Variants in SRGAP2C observed in about 807,000 individuals in gnomAD.
The protein encoded by SRGAP2C is SLIT-ROBO Rho GTPase activating protein 2C.
In SRGAP2C, 15 loss-of-function variants were observed where a neutral mutation model predicts 25.1. The observed-to-expected ratio is 0.60, with a 90% CI of 0.40 to 0.92. The LOEUF (loss-of-function observed/expected upper bound fraction) is 0.92, where lower values mean the gene tolerates loss of function less well. Among genes scored for constraint, SRGAP2C ranks in the 40% least tolerant of loss-of-function variants. SRGAP2C has a pLI of 0.00. For missense variants in SRGAP2C, 144 were observed against 264.4 expected (o/e 0.54, Z 3.16); for synonymous variants, 44 against 96.6 (o/e 0.46, Z 3.19).
chr1:121,350,155 G>GGT (rs1195975721), intron 4 of SRGAP2C, among the ~76,000 whole-genome samples: 2 of 151,436 alleles, frequency 1.3e-5, no homozygotes, highest in African/African-American at 4.9e-5. Context: ...GGGTAGCCTT[G>GGT]GTAAAATTCC....
At chr1:121,346,606 G>A (rs1658748941) in intron 4 of SRGAP2C, among the ~76,000 whole-genome samples, 1 of 152,174 alleles carries the variant, frequency 6.6e-6, no homozygotes, top group Non-Finnish European at 1.5e-5. Flanking sequence ...AGAGAAGAAA[G>A]AGTTAAGGAT....
At position 121,328,799 on chromosome 1, in the gene SRGAP2C, A is replaced by G. The variant is rs1399028705; in HGVS notation, c.423+4159A>G. Among the ~76,000 whole-genome samples the G allele has an allele frequency of 2.0e-5, 3 of 147,216 alleles. 1 individual carries two copies. The highest frequency in any genetic ancestry group is 4.5e-4 in the South Asian group (2 of 4,460). On this transcript the variant is annotated intron_variant, in intron 4 of 9. Transcript: ENST00000367123. ...TACCCAGGAGGCTGAGACGGGAAGG[A>G]TCACTTGAGCCCAGAAATTTGAGGC...
chr1:121,245,960 AG>A (rs1656216799), intron 2 of SRGAP2C, among the ~76,000 whole-genome samples: 1 of 114,632 alleles, frequency 8.7e-6, no homozygotes, highest in African/African-American at 3.9e-5. Context: ...GTTCAGTGCC[AG>A]TTGGCAATGA....
intron 2 of SRGAP2C, among the ~76,000 whole-genome samples, chr1:121,279,635 T>TA (rs1657196655): frequency 6.7e-6 from 1 of 148,280 alleles, no homozygotes; most frequent in Non-Finnish European, 1.5e-5. Flanking sequence ...AGGACGAGTA[T>TA]AGTTAGTGTC....
chr1:121,362,090 G>T (rs1659207292), intron 4 of SRGAP2C: 1 of 47,840 alleles, frequency 2.1e-5, no homozygotes, highest in Non-Finnish European at 4.3e-5. Flanking sequence ...TCTTTGGGTG[G>T]GGCCCCCTTG....
At chr1:121,355,013 G>A (rs1390926540) in intron 4 of SRGAP2C, among the ~76,000 whole-genome samples, 31 of 61,258 alleles carry the variant, frequency 5.1e-4, no homozygotes, top group African/African-American at 1.6e-3. Context: ...CTCCAGCCTG[G>A]TGATAGAGCG....
intron 3 of SRGAP2C, among the ~76,000 whole-genome samples, chr1:121,314,458 G>A (rs1235029693): frequency 9.9e-5 from 15 of 152,136 alleles, no homozygotes; most frequent in African/African-American, 2.2e-4. Flanking sequence ...TCTTTGTTCC[G>A]TTACTGGTGA....
At chr1:121,265,273 C>G (rs1283037955) in intron 2 of SRGAP2C, among the ~76,000 whole-genome samples, 2 of 121,052 alleles carry the variant, frequency 1.7e-5, no homozygotes, top group Non-Finnish European at 3.4e-5. Context: ...AAAATAATGT[C>G]ATTACTTTTA....
At chr1:121,204,458 CTG>C (rs1391437505) in intron 2 of SRGAP2C, among the ~76,000 whole-genome samples, 3 of 149,952 alleles carry the variant, frequency 2.0e-5, no homozygotes, top group Non-Finnish European at 4.4e-5. Flanking sequence ...CGGGGTTTCA[CTG>C]TGTTGGCCAG....
At chr1:121,313,110 T>A (rs1658003546) in intron 3 of SRGAP2C, among the ~76,000 whole-genome samples, 2 of 39,682 alleles carry the variant, frequency 5.0e-5, no homozygotes, top group Non-Finnish European at 9.2e-5. Context: ...TGGGTGCTCC[T>A]GTATTGGGTG....
At chr1:121,236,536 T>C (rs587732652) in intron 2 of SRGAP2C, among the ~76,000 whole-genome samples, 2 of 152,220 alleles carry the variant, frequency 1.3e-5, no homozygotes, top group African/African-American at 2.4e-5. Context: ...TTTTCTCCTT[T>C]GGGCCCTGTG....
At chr1:121,314,355 T>G (rs1658044502) in intron 3 of SRGAP2C, among the ~76,000 whole-genome samples, 1 of 151,790 alleles carries the variant, frequency 6.6e-6, no homozygotes, top group African/African-American at 2.4e-5. Context: ...TTTCAACTTC[T>G]TTGCCTTTGG....
intron 2 of SRGAP2C, among the ~76,000 whole-genome samples, chr1:121,203,433 C>CTT (rs1369782334): frequency 3.2e-4 from 44 of 135,386 alleles, no homozygotes; most frequent in African/African-American, 1.2e-3. Flanking sequence ...GATATCCGGC[C>CTT]TTTTTTTTTT....
chr1:121,212,071 A>G (rs1282891161), intron 2 of SRGAP2C, among the ~76,000 whole-genome samples: 1 of 118,632 alleles, frequency 8.4e-6, no homozygotes, highest in Non-Finnish European at 1.7e-5. Flanking sequence ...GTCTGGTGCT[A>G]GAGATAGAGT....
At position 121,239,813 on chromosome 1, in the gene SRGAP2C, G is replaced by T. The variant is rs1558091092; in HGVS notation, c.68-44990G>T. 5.9e-5 allele frequency among the ~76,000 whole-genome samples: 9 copies of T among 152,346 alleles called. No homozygotes were observed. In the South Asian group the frequency reaches 1.9e-3, roughly 32 times the overall value. On this transcript the variant is annotated intron_variant, in intron 2 of 9. Coordinates refer to ENST00000367123, the MANE Select transcript of SRGAP2C (RefSeq NM_001329984.2). ...GAGTAGTTTCAACAGAGAACATATG[G>T]CCCAGAAGCCTAAAATATTTACTAT...
chr1:121,314,642 A>G (rs1658052628), intron 3 of SRGAP2C, among the ~76,000 whole-genome samples: 1 of 149,400 alleles, frequency 6.7e-6, no homozygotes, highest in Admixed American at 6.7e-5. Flanking sequence ...TTTCCTTCTA[A>G]CAGACAGGAC....
At chr1:121,340,302 G>T (rs1435768674) in intron 4 of SRGAP2C, among the ~76,000 whole-genome samples, 2 of 151,896 alleles carry the variant, frequency 1.3e-5, no homozygotes, top group Non-Finnish European at 2.9e-5. Flanking sequence ...CTCAGAGTCA[G>T]TGGTCTTTCT....
chr1:121,268,281 T>C (rs1656852698), intron 2 of SRGAP2C, among the ~76,000 whole-genome samples: 1 of 151,270 alleles, frequency 6.6e-6, no homozygotes, highest in South Asian at 2.1e-4. Context: ...TGTGGGGAAG[T>C]ATGCTTCCAG....
chr1:121,278,114 TA>T (rs1221560787), intron 2 of SRGAP2C, among the ~76,000 whole-genome samples: 7 of 149,526 alleles, frequency 4.7e-5, no homozygotes, highest in South Asian at 2.1e-4. Flanking sequence ...CCAGCTAACT[TA>T]AAAAAAAAAT....
Sources: gnomAD v4.1 joint callset for allele counts (sites outside exome capture counted in the v4.1 genomes callset) on GRCh38, gnomAD v4.1.1 for gene constraint, MANE v1.5 for transcripts, NCBI Gene and HGNC (gene_info 2026-07-23, HGNC 2026-07-21) for gene names.